MAZ: variants seen among roughly 807,000 people sequenced by gnomAD.
The protein encoded by MAZ is MYC associated zinc finger protein.
A neutral mutation model predicts 32.7 loss-of-function variants in MAZ; 4 were observed. The observed-to-expected ratio is 0.12, with a 90% CI of 0.06 to 0.28. The LOEUF (loss-of-function observed/expected upper bound fraction) is 0.28, where lower values mean the gene tolerates loss of function less well. Ranked by LOEUF, MAZ falls within the 10% of genes least tolerant of loss-of-function variation. The probability of loss-of-function intolerance (pLI) is 1.00; values close to 1 mark genes in which losing one functional copy is unlikely to be tolerated. For missense variants in MAZ, 763 were observed against 667.2 expected, an observed-to-expected ratio of 1.14 and a Z score of -1.58; for synonymous variants, 510 against 297.6, an observed-to-expected ratio of 1.71 and a Z score of -7.35.
At position 29,806,965 on chromosome 16, in the gene MAZ, C is replaced by T. The variant is rs762952781; in HGVS notation, c.193-13C>T. Reference sequence around the variant, plus strand: ...CCCGCACCCGCGGCCCACTCGGCGCCTTGTCTCCGCAGGCCGCGCCGGCGC... The same window carrying T: ...CCCGCACCCGCGGCCCACTCGGCGCTTTGTCTCCGCAGGCCGCGCCGGCGC... On this transcript the variant is annotated splice_polypyrimidine_tract_variant and intron_variant, in intron 1 of 4. Transcript: ENST00000322945. 1.2e-5 allele frequency: 13 copies of T among 1,067,208 alleles called. No individual in the cohort carries two copies. In the East Asian group the frequency reaches 5.5e-4, roughly 45 times the overall value. 66.1% of individuals were successfully genotyped at this position (1,067,208 alleles called of 1,614,324 possible). A position where few individuals can be genotyped will look rare whatever the true frequency, so the allele number is the denominator to read the frequency against.
At position 29,810,211 on chromosome 16, in the gene MAZ, C is replaced by T; in HGVS notation, c.1414C>T (p.Leu472Phe). Residue 472 changes from leucine (L) to phenylalanine (F), a missense_variant, in exon 5 of 5, where the codon CTT becomes TTT. Coordinates refer to ENST00000322945, the MANE Select transcript of MAZ (RefSeq NM_002383.4). ...GGGGGTGCCTGTGAGCTCTCAGCCACTTCCCTCCCAACCCTGGTGAGCTCC... is the reference window on the plus strand; with the variant it reads ...GGGGGTGCCTGTGAGCTCTCAGCCATTTCCCTCCCAACCCTGGTGAGCTCC... ...AEGVPVSSQP[L>F]PSQPW The T allele has an allele frequency of 6.3e-7, 1 of 1,598,022 alleles. No individual in the cohort carries two copies. The highest frequency in any genetic ancestry group is 8.5e-7 in the Non-Finnish European group (1 of 1,172,206).
intron 2 of MAZ, 98 bp from the exon 3 acceptor site, chr16:29,808,132 G>A: frequency 2.6e-6 from 3 of 1,165,554 alleles, no homozygotes; most frequent in East Asian, 2.4e-5. Flanking sequence ...CTGGGCTCCG[G>A]GAGGAGGCGC....
Position 29,810,549 on chromosome 16 carries a change from CCT to C in MAZ, c.*319_*320del. 1 of 700,498 alleles carries C rather than the reference CCT, an allele frequency of 1.4e-6. No individual in the cohort carries two copies. The highest frequency in any genetic ancestry group is 2.6e-6 in the Non-Finnish European group (1 of 383,984). The allele number at this position is 700,498 out of a possible 1,614,324, so 43.4% of individuals were successfully genotyped here. A position where few individuals can be genotyped will look rare whatever the true frequency, so the allele number is the denominator to read the frequency against. On this transcript the variant is annotated 3_prime_UTR_variant, in exon 5 of 5. Transcript: ENST00000322945. ...CCCTCTCCTCTCTGTAAGCCCATGC[CCT>C]GTCTTCCCAGGGACTTGTGAGCCTC... is the stretch of plus-strand genomic sequence containing the variant.
At chr16:29,806,138 C>G, upstream of MAZ, 1 of 1,305,896 alleles carries the variant, frequency 7.7e-7, no homozygotes, top group South Asian at 1.5e-5. Context: ...CCCTCCCTCC[C>G]TCCGCCATGG....
In MAZ at chr16:29,810,519, G is replaced by T; in HGVS notation, c.*288G>T. ...CAGAGGACACGAGCAGCCACTGCCC[G>T]TACCCCCTCTCCTCTCTGTAAGCCC... On this transcript the variant is annotated 3_prime_UTR_variant, in exon 5 of 5. Coordinates refer to ENST00000322945, the MANE Select transcript of MAZ (RefSeq NM_002383.4). 1 of 701,438 alleles carries T rather than the reference G, an allele frequency of 1.4e-6. No individual in the cohort carries two copies. The highest frequency in any genetic ancestry group is 2.6e-6 in the Non-Finnish European group (1 of 384,628). The allele number at this position is 701,438 out of a possible 1,614,324, so 43.5% of individuals were successfully genotyped here.
chr16:29,810,053 A>T (rs1277933676), intron 4 of MAZ, 24 bp from the exon 5 acceptor site: 3 of 1,593,986 alleles, frequency 1.9e-6, no homozygotes, highest in Non-Finnish European at 2.6e-6. Context: ...TCGCGCTGTG[A>T]TCCGTGGTGT....
At chr16:29,809,887 C>G in intron 4 of MAZ, 190 bp from the exon 5 acceptor site, 1 of 1,103,112 alleles carries the variant, frequency 9.1e-7, no homozygotes, top group African/African-American at 1.6e-5. Flanking sequence ...GCTAGGGAGA[C>G]TTCTGGGCAC....
chr16:29,806,870 G>A lies in MAZ; in HGVS notation c.169G>A (p.Gly57Ser), dbSNP rs760950274. Residue 57 changes from glycine to serine, a missense_variant, in exon 1 of 5, where the codon GGC becomes AGC. Gly to Ser is a moderately conservative substitution (Grantham distance 56, BLOSUM62 0). Coordinates refer to ENST00000322945, the MANE Select transcript of MAZ (RefSeq NM_002383.4). ...CCAGTCCCGCTTCTTTGCCTCCCAG[G>A]GCTGCGCCCAGAGTCCATTCCAGGT... Reference protein sequence around the residue: ...ELQSRFFASQGCAQSPFQAAP... With the variant: ...ELQSRFFASQSCAQSPFQAAP... 3 of 1,437,906 alleles carry A rather than the reference G, an allele frequency of 2.1e-6. No individual in the cohort carries two copies. The highest frequency in any genetic ancestry group is 3.1e-5 in the East Asian group (1 of 32,192). The allele number at this position is 1,437,906 out of a possible 1,614,324, so 89.1% of individuals were successfully genotyped here.
In MAZ at chr16:29,807,147, C is replaced by T. The variant is rs1339275257; in HGVS notation, c.362C>T (p.Thr121Met). ...CCCCCGGCCCCTGCCGCCGCCTCTA[C>T]GGTGGACACAGCGGCCCTGAAGCAG... ...AAPPAPAAAS[T>M]VDTAALKQPP... is the part of the protein sequence containing the mutation. Residue 121 changes from threonine to methionine, a missense_variant, in exon 2 of 5, where the codon ACG becomes ATG. By Grantham distance (81) the Thr-to-Met change is moderately conservative (BLOSUM62 -1). Transcript: ENST00000322945. The T allele has an allele frequency of 2.8e-6, 3 of 1,061,504 alleles. No homozygotes were observed. The highest frequency in any genetic ancestry group is 3.5e-6 in the Non-Finnish European group (3 of 855,770). 65.8% of individuals were successfully genotyped at this position (1,061,504 alleles called of 1,614,324 possible).
chr16:29,807,285 C>T lies in MAZ; in HGVS notation c.500C>T (p.Pro167Leu), dbSNP rs1448537983. ...AAAAATAVVA[P>L]TSTVAVAPVA... ...GCGGCGGCCACCGCCGTCGTAGCCC[C>T]AACCTCGACGGTCGCCGTGGCCCCG... The change falls in exon 2 of 5, where the codon CCA (proline) becomes CTA (leucine). Residue 167 changes from proline to leucine, a missense_variant. Transcript: ENST00000322945. 1 of 1,545,436 alleles carries T rather than the reference C, an allele frequency of 6.5e-7. No homozygotes were observed. The highest frequency in any genetic ancestry group is 8.7e-7 in the Non-Finnish European group (1 of 1,149,204).
At chr16:29,808,972 T>TG (rs1242381682) in intron 4 of MAZ, 6 of 566,058 alleles carry the variant, frequency 1.1e-5, no homozygotes, top group African/African-American at 3.8e-5. Flanking sequence ...TGGTAATGTG[T>TG]GGGGAAAGCG....
At position 29,810,613 on chromosome 16, in the gene MAZ, TC is replaced by T. The variant is rs1297139351; in HGVS notation, c.*387del. The T allele has an allele frequency of 1.8e-5, 11 of 624,738 alleles. No individual in the cohort carries two copies. Among genetic ancestry groups the T allele is most frequent in the Non-Finnish European group, 5.9e-6 (2 of 341,356 alleles). 38.7% of individuals were successfully genotyped at this position (624,738 alleles called of 1,614,324 possible). On this transcript the variant is annotated 3_prime_UTR_variant, in exon 5 of 5. Transcript: ENST00000322945. ...GTCCTCTTCTCTCCTTCCAGTCCTC[TC>T]CCCCTGCTGTCTGCAGCCCCTCCCC...
Position 29,807,209 on chromosome 16 carries a change from G to T in MAZ, c.424G>T (p.Ala142Ser). The T allele has an allele frequency of 1.6e-6, 2 of 1,231,724 alleles. No individual in the cohort carries two copies. The highest frequency in any genetic ancestry group is 2.0e-6 in the Non-Finnish European group (2 of 976,464). The allele number at this position is 1,231,724 out of a possible 1,614,324, so 76.3% of individuals were successfully genotyped here. A position where few individuals can be genotyped will look rare whatever the true frequency, so the allele number is the denominator to read the frequency against. ...CCCTCCGCCACCCCCGCCAGTGTCG[G>T]CGCCCGCGGCCGAGGCCGCGCCCCC... ...APPPPPPPVS[A>S]PAAEAAPPAS... Residue 142 changes from alanine (A) to serine (S), a missense_variant, in exon 2 of 5, where the codon GCG becomes TCG. Transcript: ENST00000322945.
rs1160304061 is a variant in MAZ, at chr16:29,806,749, G to C, written c.48G>C (p.Val16=). Residue 16 remains valine (V), a synonymous_variant, in exon 1 of 5, where the codon GTG becomes GTC. Transcript: ENST00000322945. ...PCTLLAPPFP[V]LGLDSRGVGG... ...CGCTGCTGGCCCCCCCCTTCCCCGT[G>C]CTGGGCCTGGACTCCCGGGGGGTGG... 1.6e-5 allele frequency: 22 copies of C among 1,414,082 alleles called. No homozygotes were observed. The highest frequency in any genetic ancestry group is 2.1e-5 in the Non-Finnish European group (22 of 1,070,776). 87.6% of individuals were successfully genotyped at this position (1,414,082 alleles called of 1,614,324 possible).
At position 29,810,035 on chromosome 16, in the gene MAZ, C is replaced by T. The variant is rs114187022; in HGVS notation, c.1280-42C>T. ...TGTGGGGTGAGGGCAAGGCTCTTGC[C>T]ATTCAGATCGCGCTGTGATCCGTGG... On this transcript the variant is annotated intron_variant, in intron 4 of 4. Coordinates refer to ENST00000322945, the MANE Select transcript of MAZ (RefSeq NM_002383.4). 1,227 of 1,578,840 alleles carry T rather than the reference C, an allele frequency of 7.8e-4. 11 individuals are homozygous for T. The African/African-American group carries it at 0.014, about 18-fold the overall frequency.
In MAZ at chr16:29,808,286, A is replaced by G. The variant is rs779901828; in HGVS notation, c.1100A>G (p.Lys367Arg). ...RQVHSTERPF[K>R]CEKCEAAFAT... Reference sequence around the variant, plus strand: ...GTGCACTCAACAGAACGGCCCTTCAAATGTGAGGTAGGAAGCCCGCCTCCT... The same window carrying G: ...GTGCACTCAACAGAACGGCCCTTCAGATGTGAGGTAGGAAGCCCGCCTCCT... The change falls in exon 3 of 5, where the codon AAA (lysine) becomes AGA (arginine). Residue 367 changes from lysine to arginine, a missense_variant. By Grantham distance (26) the Lys-to-Arg change is conservative (BLOSUM62 2). Transcript: ENST00000322945. The G allele has an allele frequency of 5.0e-6, 8 of 1,613,956 alleles. No homozygotes were observed. Among genetic ancestry groups the G allele is most frequent in the South Asian group, 1.1e-5 (1 of 91,074 alleles).
In MAZ at chr16:29,811,098, T is replaced by C. The variant is rs1305162237; in HGVS notation, c.*867T>C. On this transcript the variant is annotated 3_prime_UTR_variant, in exon 5 of 5. Coordinates refer to ENST00000322945, the MANE Select transcript of MAZ (RefSeq NM_002383.4). ...TCATCGTGTTCCTGTGTCCCCTGCATGTACCCCACCCTCCACCCCTTCCTT... is the reference window on the plus strand; with the variant it reads ...TCATCGTGTTCCTGTGTCCCCTGCACGTACCCCACCCTCCACCCCTTCCTT... 1 of 453,258 alleles carries C rather than the reference T, an allele frequency of 2.2e-6. No individual in the cohort carries two copies. The highest frequency in any genetic ancestry group is 4.4e-6 in the Non-Finnish European group (1 of 225,496). 28.1% of individuals were successfully genotyped at this position (453,258 alleles called of 1,614,324 possible).
At position 29,807,448 on chromosome 16, in the gene MAZ, C is replaced by T. The variant is rs764656695; in HGVS notation, c.663C>T (p.Pro221=). 1.2e-5 allele frequency: 20 copies of T among 1,612,350 alleles called. No homozygotes were observed. The highest frequency in any genetic ancestry group is 4.0e-5 in the African/African-American group (3 of 74,920). The change falls in exon 2 of 5, where the codon CCC becomes CCT. Residue 221 remains proline, a synonymous_variant. Transcript: ENST00000322945. ...CGGGAGCCAAGGCCGGCCGGGTCCC[C>T]TCGGGTGCTATGAAGATGCCGACCA... ...IHTGAKAGRV[P]SGAMKMPTMV...
intron 2 of MAZ, 119 bp from the exon 3 acceptor site, chr16:29,808,111 G>T: frequency 9.6e-7 from 1 of 1,038,092 alleles, no homozygotes; most frequent in Non-Finnish European, 1.5e-6. Flanking sequence ...CTTAAGTGTC[G>T]CTGTGACGGC....
Sources: allele counts gnomAD v4.1 joint callset, GRCh38; gene constraint gnomAD v4.1.1; transcripts MANE v1.5; gene names NCBI Gene and HGNC (gene_info 2026-07-23, HGNC 2026-07-21).